Variants in PSD3 observed in about 807,000 individuals in gnomAD.
PSD3 encodes the protein pleckstrin and Sec7 domain containing 3, also known as PH and SEC7 domain-containing protein 3.
A neutral mutation model predicts 105.5 loss-of-function variants in PSD3; 49 were observed. The ratio of observed to expected loss-of-function variants is 0.46; its 90% CI spans 0.37 to 0.59. The LOEUF is 0.59. PSD3 is among the 20% of genes least tolerant of loss of function. The pLI is 0.00. For synonymous variants in PSD3, 557 were observed against 457.8 expected (o/e 1.22, Z -2.77); for missense variants, 1,561 against 1,263.8 (o/e 1.24, Z -3.57).
intron 4 of PSD3, among the ~76,000 whole-genome samples, chr8:18,852,274 A>G (rs1815643863): frequency 1.3e-5 from 2 of 152,196 alleles, no homozygotes; most frequent in Non-Finnish European, 2.9e-5. Flanking sequence ...GGAAACTCAG[A>G]CCAGGCACTC....
At chr8:18,757,235 T>C (rs1806124923) in intron 9 of PSD3, among the ~76,000 whole-genome samples, 3 of 150,776 alleles carry the variant, frequency 2.0e-5, no homozygotes. Context: ...GGTGGATCAT[T>C]TGAGGTCAGG....
intron 1 of PSD3, among the ~76,000 whole-genome samples, chr8:19,042,294 A>G (rs1474085323): frequency 6.6e-6 from 1 of 152,166 alleles, no homozygotes; most frequent in Non-Finnish European, 1.5e-5. Flanking sequence ...TACATTCTGC[A>G]AAATTGTTTC....
At chr8:18,536,024 T>C (rs1255783246) in intron 15 of PSD3, 66 bp from the exon 16 acceptor site, 1 of 1,450,854 alleles carries the variant, frequency 6.9e-7, no homozygotes, top group African/African-American at 1.4e-5. Flanking sequence ...TGCAGCACAC[T>C]TGTGTATTAC....
intron 2 of PSD3, among the ~76,000 whole-genome samples, chr8:18,929,699 A>G (rs1437219963): frequency 1.3e-5 from 2 of 152,214 alleles, no homozygotes; most frequent in Non-Finnish European, 2.9e-5. Flanking sequence ...ATGAATGAAA[A>G]AAACAAACTC....
rs570846529 is a variant in PSD3, at chr8:18,899,993, G to T, written c.131-27260C>A. 5.3e-5 allele frequency among the ~76,000 whole-genome samples: 8 copies of T among 151,334 alleles called. No homozygotes were observed. The South Asian group carries it at 1.5e-3, about 28-fold the overall frequency. ...TTTGTGGAACTGTTTTCCAGAAAGGGGGCACTTTTTTTCTACAAGAAAAAA... is the reference window on the plus strand; with the variant it reads ...TTTGTGGAACTGTTTTCCAGAAAGGTGGCACTTTTTTTCTACAAGAAAAAA... On this transcript the variant is annotated intron_variant, in intron 2 of 15. Transcript: ENST00000327040.
intron 1 of PSD3, among the ~76,000 whole-genome samples, chr8:19,021,150 T>C (rs1827349661): frequency 6.6e-6 from 1 of 152,186 alleles, no homozygotes; most frequent in Non-Finnish European, 1.5e-5. Flanking sequence ...TGCAGAGGAA[T>C]CTGAAACGAG....
At chr8:18,801,410 T>C (rs1412293579) in intron 6 of PSD3, 28 bp from the exon 7 acceptor site, 1 of 1,374,204 alleles carries the variant, frequency 7.3e-7, no homozygotes, top group Non-Finnish European at 1.0e-6. Flanking sequence ...ATTTAAACAG[T>C]GAAATTTTCG....
chr8:18,777,788 C>G (rs989210982), intron 8 of PSD3, among the ~76,000 whole-genome samples: 4 of 152,130 alleles, frequency 2.6e-5, no homozygotes, highest in Admixed American at 2.0e-4. Flanking sequence ...CCATTCGCCT[C>G]CCTTTAATCC....
intron 11 of PSD3, among the ~76,000 whole-genome samples, chr8:18,614,340 T>TCCCCCCC (rs150517140): frequency 9.6e-5 from 9 of 93,602 alleles, no homozygotes; most frequent in African/African-American, 3.1e-4. Context: ...TTCTCCCCCA[T>TCCCCCCC]CCCCCCCCCA....
At chr8:18,833,437 C>T (rs192063634) in intron 4 of PSD3, among the ~76,000 whole-genome samples, 415 of 152,272 alleles carry the variant, frequency 2.7e-3, no homozygotes, top group African/African-American at 9.5e-3. Flanking sequence ...AGAAAATAAT[C>T]AGATAACTAA....
intron 1 of PSD3, among the ~76,000 whole-genome samples, chr8:19,036,353 C>T (rs1369050716): frequency 6.6e-6 from 1 of 152,104 alleles, no homozygotes; most frequent in African/African-American, 2.4e-5. Context: ...CCTTCTCCTC[C>T]AACCCTAAGT....
intron 8 of PSD3, chr8:18,774,778 C>T: frequency 2.5e-6 from 1 of 406,214 alleles, no homozygotes; most frequent in Non-Finnish European, 4.9e-6. Context: ...GAAATGACTA[C>T]AATCTAAGAG....
At chr8:18,985,172 G>C (rs930108426) in intron 1 of PSD3, among the ~76,000 whole-genome samples, 2 of 152,170 alleles carry the variant, frequency 1.3e-5, no homozygotes, top group African/African-American at 4.8e-5. Context: ...GAGCTCAAAT[G>C]ATCTGCCCGC....
chr8:18,535,879 G>T lies in PSD3; in HGVS notation c.3008C>A (p.Ala1003Glu). 1 of 1,614,130 alleles carries T rather than the reference G, an allele frequency of 6.2e-7. No individual in the cohort carries two copies. Among genetic ancestry groups the T allele is most frequent in the Non-Finnish European group, 8.5e-7 (1 of 1,180,008 alleles). ...ACTCGAGTGCGACTTCTTCAGTCCT[G>T]CAGCCTCGCTTTCATCGTTACTCAG... ...ELLSNDESEA[A>E]GLKKSHSSPS... The change falls in exon 16 of 16, where the codon GCA becomes GAA. Residue 1003 changes from alanine to glutamate, a missense_variant. Coordinates refer to ENST00000327040, the MANE Select transcript of PSD3 (RefSeq NM_015310.4).
At chr8:18,904,572 A>G (rs150564504) in intron 2 of PSD3, among the ~76,000 whole-genome samples, 7 of 152,074 alleles carry the variant, frequency 4.6e-5, no homozygotes, top group Admixed American at 2.6e-4. Flanking sequence ...CTCCCTTTTG[A>G]AATGGTAATG....
At chr8:18,980,318 T>C (rs1222186426) in intron 1 of PSD3, among the ~76,000 whole-genome samples, 1 of 152,160 alleles carries the variant, frequency 6.6e-6, no homozygotes, top group Non-Finnish European at 1.5e-5. Flanking sequence ...AAGAATGTGG[T>C]GGCTTCCAGG....
At chr8:18,630,820 T>C (rs1014827754) in intron 11 of PSD3, among the ~76,000 whole-genome samples, 4 of 151,974 alleles carry the variant, frequency 2.6e-5, no homozygotes, top group African/African-American at 9.7e-5. Flanking sequence ...TTCCTTGTCA[T>C]TATTCCCCAA....
intron 12 of PSD3, 80 bp downstream of exon 12, chr8:18,600,284 G>C: frequency 5.7e-6 from 7 of 1,235,868 alleles, no homozygotes; most frequent in Non-Finnish European, 8.1e-6. Context: ...AGATAAGGGA[G>C]ACTACCGTAC....
At chr8:18,601,500 T>G (rs1804438696) in intron 11 of PSD3, among the ~76,000 whole-genome samples, 1 of 152,130 alleles carries the variant, frequency 6.6e-6, no homozygotes, top group Non-Finnish European at 1.5e-5. Context: ...TACTCAAGAA[T>G]TCTTAGACTT....
Sources: allele counts gnomAD v4.1 joint callset (sites outside exome capture counted in the v4.1 genomes callset), GRCh38; gene constraint gnomAD v4.1.1; transcripts MANE v1.5; gene names NCBI Gene and HGNC (gene_info 2026-07-23, HGNC 2026-07-21).